SCHIP1: variants seen among roughly 807,000 people sequenced by gnomAD.
SCHIP1 encodes schwannomin-interacting protein 1.
A neutral mutation model predicts 29.7 loss-of-function variants in SCHIP1; 8 were observed. That is an observed-to-expected ratio of 0.27 (90% CI 0.16 to 0.49). SCHIP1 has a LOEUF of 0.49. Among genes scored for constraint, SCHIP1 ranks in the 20% least tolerant of loss-of-function variants. SCHIP1 has a pLI of 0.99. For synonymous variants in SCHIP1, 76 were observed against 94.9 expected, an observed-to-expected ratio of 0.80 and a Z score of 1.16; for missense variants, 193 against 294.6, an observed-to-expected ratio of 0.66 and a Z score of 2.52.
At chr3:159,303,995 A>G in the SCHIP1 span, among the ~76,000 whole-genome samples, 2 of 150,802 alleles carry the variant, frequency 1.3e-5, no homozygotes, top group African/African-American at 2.4e-5. Flanking sequence ...TATATCTCCC[A>G]ATGCTATCCC....
chr3:159,670,795 A>C, the SCHIP1 span, among the ~76,000 whole-genome samples: 3 of 152,042 alleles, frequency 2.0e-5, no homozygotes, highest in African/African-American at 7.2e-5. Context: ...GGGGTCCTGG[A>C]ATAATGTAGA....
At chr3:159,384,751 G>T in the SCHIP1 span, among the ~76,000 whole-genome samples, 50 of 151,886 alleles carry the variant, frequency 3.3e-4, no homozygotes, top group African/African-American at 1.1e-3. Flanking sequence ...GACTCTTTTT[G>T]GTTGGTAAGC....
chr3:159,844,314 G>T (rs980114799), intron 1 of SCHIP1, among the ~76,000 whole-genome samples: 1 of 152,250 alleles, frequency 6.6e-6, no homozygotes, highest in Non-Finnish European at 1.5e-5. Context: ...CCCTGTTTGA[G>T]CAAGGGCTTG....
the SCHIP1 span, chr3:159,765,214 C>G: frequency 1.4e-6 from 2 of 1,434,060 alleles, no homozygotes; most frequent in African/African-American, 1.5e-5. Context: ...CGCCCCCTCC[C>G]TGCGCTCCCG....
intron 1 of SCHIP1, among the ~76,000 whole-genome samples, chr3:159,849,323 A>G (rs1333024201): frequency 6.6e-6 from 1 of 152,066 alleles, no homozygotes; most frequent in Non-Finnish European, 1.5e-5. Flanking sequence ...ATTTAAGCCC[A>G]CTCTGTTAAA....
chr3:159,422,222 G>T, the SCHIP1 span, among the ~76,000 whole-genome samples: 236 of 152,240 alleles, frequency 1.6e-3, no homozygotes, highest in South Asian at 5.0e-3. Context: ...TCAATGGATT[G>T]CTAGGTAGGA....
At chr3:159,711,932 T>C in the SCHIP1 span, among the ~76,000 whole-genome samples, 6 of 150,758 alleles carry the variant, frequency 4.0e-5, no homozygotes, top group Admixed American at 6.8e-5. Flanking sequence ...ACCTAGGGAT[T>C]AGGAAGATAT....
the SCHIP1 span, among the ~76,000 whole-genome samples, chr3:159,513,818 G>A: frequency 6.6e-5 from 10 of 152,288 alleles, no homozygotes; most frequent in South Asian, 1.9e-3. Context: ...TGATAAGGGG[G>A]CAGGAGCCTG....
intron 2 of SCHIP1, among the ~76,000 whole-genome samples, chr3:159,884,870 C>G (rs955350075): frequency 1.3e-5 from 2 of 152,102 alleles, no homozygotes; most frequent in Middle Eastern, 3.2e-3. Flanking sequence ...GGGCCTGGCT[C>G]CCCCTTGCCT....
At chr3:159,290,801 T>C in the SCHIP1 span, among the ~76,000 whole-genome samples, 1 of 152,136 alleles carries the variant, frequency 6.6e-6, no homozygotes, top group Non-Finnish European at 1.5e-5. Context: ...ATTTATAATT[T>C]ACATAATGCA....
chr3:159,406,765 A>AT, the SCHIP1 span, among the ~76,000 whole-genome samples: 1 of 152,192 alleles, frequency 6.6e-6, no homozygotes, highest in Non-Finnish European at 1.5e-5. Flanking sequence ...TAAAGTGTAA[A>AT]TTTTTTATTA....
At chr3:159,835,132 T>G (rs1743545289), upstream of SCHIP1, among the ~76,000 whole-genome samples, 1 of 152,232 alleles carries the variant, frequency 6.6e-6, no homozygotes, top group Admixed American at 6.5e-5. Context: ...AAGTTATTAC[T>G]TAAGATGGTG....
At chr3:159,426,986 G>C in the SCHIP1 span, among the ~76,000 whole-genome samples, 6 of 152,216 alleles carry the variant, frequency 3.9e-5, no homozygotes, top group South Asian at 2.1e-4. Flanking sequence ...ATTCAACAAT[G>C]CTTCATGCTA....
chr3:159,552,422 A>G, the SCHIP1 span, among the ~76,000 whole-genome samples: 1,049 of 152,088 alleles, frequency 6.9e-3, 21 homozygotes, highest in African/African-American at 0.023. Context: ...CAGTTTCTTA[A>G]TTACTCTCTG....
chr3:159,597,729 C>T, the SCHIP1 span, among the ~76,000 whole-genome samples: 1 of 152,096 alleles, frequency 6.6e-6, no homozygotes, highest in Non-Finnish European at 1.5e-5. Flanking sequence ...AAGAGTACTG[C>T]AATAAACACG....
chr3:159,430,298 A>G, the SCHIP1 span, among the ~76,000 whole-genome samples: 144,970 of 152,306 alleles, frequency 0.95, 69,042 homozygotes, highest in African/African-American at 0.97. Context: ...AAGCCTAGGC[A>G]TGTGGAAAAT....
At chr3:159,836,990 A>G (rs1743725643), upstream of SCHIP1, among the ~76,000 whole-genome samples, 1 of 152,064 alleles carries the variant, frequency 6.6e-6, no homozygotes, top group Admixed American at 6.6e-5. Context: ...ACCTCTTGGG[A>G]GAGTTTTTTT....
At chr3:159,327,115 C>T in the SCHIP1 span, among the ~76,000 whole-genome samples, 1 of 152,234 alleles carries the variant, frequency 6.6e-6, no homozygotes, top group East Asian at 1.9e-4. Flanking sequence ...AGGAAATTAC[C>T]TGCTCTAGAA....
At chr3:159,468,854 C>T in the SCHIP1 span, among the ~76,000 whole-genome samples, 1 of 150,170 alleles carries the variant, frequency 6.7e-6, no homozygotes, top group East Asian at 2.0e-4. Context: ...GCAAGCTCTG[C>T]CTCCCAGGTT....
Sources: gnomAD v4.1 joint callset for allele counts (sites outside exome capture counted in the v4.1 genomes callset) on GRCh38, gnomAD v4.1.1 for gene constraint, MANE v1.5 for transcripts, NCBI Gene and HGNC (gene_info 2026-07-23, HGNC 2026-07-21) for gene names.